The following CSNK1G1 variants were observed in gnomAD, a reference collection of about 807,000 sequenced individuals.
The protein encoded by CSNK1G1 is casein kinase 1 gamma 1.
Under a neutral mutation model 59.6 loss-of-function variants are expected in CSNK1G1, and 22 were observed. The observed-to-expected ratio is 0.37, with a 90% CI of 0.26 to 0.53. The LOEUF (loss-of-function observed/expected upper bound fraction) is 0.53. Ranked by LOEUF, CSNK1G1 falls within the 20% of genes least tolerant of loss-of-function variation. CSNK1G1 has a pLI of 0.89. For synonymous variants in CSNK1G1, 179 were observed against 177.1 expected (o/e 1.01, Z -0.08); for missense variants, 384 against 519.5 (o/e 0.74, Z 2.54).
intron 1 of CSNK1G1, among the ~76,000 whole-genome samples, chr15:64,351,604 C>A (rs978059987): frequency 6.6e-6 from 1 of 152,174 alleles, no homozygotes. Context: ...TCGGGCCAGG[C>A]ACGGTGGCTC....
intron 1 of CSNK1G1, among the ~76,000 whole-genome samples, chr15:64,346,162 T>C (rs1776727418): frequency 6.6e-6 from 1 of 151,766 alleles, no homozygotes; most frequent in African/African-American, 2.4e-5. Flanking sequence ...GAGGCAAAGG[T>C]GGGCAGATCA....
At chr15:64,278,973 G>A (rs1893969457) in intron 2 of CSNK1G1, among the ~76,000 whole-genome samples, 2 of 152,084 alleles carry the variant, frequency 1.3e-5, no homozygotes, top group Admixed American at 1.3e-4. Flanking sequence ...ATAATTTTCA[G>A]CTTTGTTTAG....
chr15:64,206,970 T>C (rs1272638998), intron 7 of CSNK1G1, among the ~76,000 whole-genome samples: 1 of 152,166 alleles, frequency 6.6e-6, no homozygotes, highest in African/African-American at 2.4e-5. Context: ...GTAGCAGCTG[T>C]TGTCAACAAT....
rs901172187 is a variant in CSNK1G1, at chr15:64,172,179, G to A, written c.1215-194C>T. On this transcript the variant is annotated intron_variant, in intron 11 of 11. Transcript: ENST00000303052. ...GAAAAGCCAAAGGAAATAGCTGCTT[G>A]ATTTCAATCTGCAGTCATCCTACCT... Among the ~76,000 whole-genome samples the A allele has an allele frequency of 7.2e-5, 11 of 152,320 alleles. No homozygotes were observed. The South Asian group carries it at 2.3e-3, about 32-fold the overall frequency.
At chr15:64,201,507 G>T (rs1196097826) in intron 10 of CSNK1G1, among the ~76,000 whole-genome samples, 1 of 152,160 alleles carries the variant, frequency 6.6e-6, no homozygotes, top group Non-Finnish European at 1.5e-5. Flanking sequence ...TTTAAAGGAT[G>T]TGACTATGGA....
Position 64,171,996 on chromosome 15 carries a change from A to G in CSNK1G1, c.1215-11T>C. 6.2e-7 allele frequency: 1 copy of G among 1,613,524 alleles called. No homozygotes were observed. Among genetic ancestry groups the G allele is most frequent in the Non-Finnish European group, 8.5e-7 (1 of 1,179,640 alleles). On this transcript the variant is annotated splice_polypyrimidine_tract_variant and intron_variant, in intron 11 of 11. Coordinates refer to ENST00000303052, the MANE Select transcript of CSNK1G1 (RefSeq NM_022048.5). The surrounding 1 kb of genome is among the most constrained non-coding windows in gnomAD (Gnocchi z 4.8). The stretch of plus-strand genomic sequence containing the variant: ...AAGAAACAGCAGCACCTGGAGCACA[A>G]GGAACATTGCAAGTCAGTGCGGGAG...
At chr15:64,314,097 A>G (rs1290908220) in intron 1 of CSNK1G1, among the ~76,000 whole-genome samples, 2 of 152,140 alleles carry the variant, frequency 1.3e-5, no homozygotes, top group East Asian at 3.9e-4. Context: ...GAAATCAAAG[A>G]GGAAAGTTTT....
At chr15:64,322,094 TAAG>T (rs1896595746) in intron 1 of CSNK1G1, among the ~76,000 whole-genome samples, 1 of 152,238 alleles carries the variant, frequency 6.6e-6, no homozygotes, top group African/African-American at 2.4e-5. Flanking sequence ...TCATGGAGCA[TAAG>T]TAGTAAATAT....
At chr15:64,303,716 C>G (rs1385369056) in intron 1 of CSNK1G1, among the ~76,000 whole-genome samples, 1 of 150,016 alleles carries the variant, frequency 6.7e-6, no homozygotes, top group Non-Finnish European at 1.5e-5. Flanking sequence ...TGCCATTGCA[C>G]TCCAGCCTGG....
intron 10 of CSNK1G1, among the ~76,000 whole-genome samples, chr15:64,183,793 T>C (rs2081852242): frequency 6.6e-6 from 1 of 151,532 alleles, no homozygotes; most frequent in Non-Finnish European, 1.5e-5. Context: ...TGCAGTGCAG[T>C]GGCGTGATCT....
Position 64,200,216 on chromosome 15 carries a change from G to T in CSNK1G1, c.1107+2866C>A, listed in dbSNP as rs1375990322. Among the ~76,000 whole-genome samples, 1 of 151,828 alleles carries T rather than the reference G, an allele frequency of 6.6e-6. No homozygotes were observed. Among genetic ancestry groups the T allele is most frequent in the East Asian group, 1.9e-4 (1 of 5,186 alleles). On this transcript the variant is annotated intron_variant, in intron 10 of 11. Coordinates refer to ENST00000303052, the MANE Select transcript of CSNK1G1 (RefSeq NM_022048.5). This position sits in a 1 kb window ranked among gnomAD's most constrained non-coding sequence, Gnocchi z 4.3. ...GCCAAGATCATGCTCCAGCCTTGGTGATAAGAGCTAAACTCTGTCTCAAAA... is the reference window on the plus strand; with the variant it reads ...GCCAAGATCATGCTCCAGCCTTGGTTATAAGAGCTAAACTCTGTCTCAAAA...
intron 4 of CSNK1G1, among the ~76,000 whole-genome samples, chr15:64,226,676 TA>T (rs1023546567): frequency 6.6e-6 from 1 of 151,936 alleles, no homozygotes; most frequent in Non-Finnish European, 1.5e-5. Context: ...AAAAATCCAG[TA>T]TTTGACATTT....
At chr15:64,351,130 AG>A (rs1382446423) in intron 1 of CSNK1G1, among the ~76,000 whole-genome samples, 9 of 152,208 alleles carry the variant, frequency 5.9e-5, no homozygotes, top group African/African-American at 2.2e-4. Flanking sequence ...TATCCTTATT[AG>A]AGACTAAATC....
chr15:64,287,852 G>GA (rs1237971980), intron 2 of CSNK1G1, among the ~76,000 whole-genome samples: 1 of 152,008 alleles, frequency 6.6e-6, no homozygotes, highest in East Asian at 1.9e-4. Context: ...TAACATGGCA[G>GA]AAAAAAATTG....
At chr15:64,238,669 C>T (rs1421347742) in intron 4 of CSNK1G1, among the ~76,000 whole-genome samples, 1 of 151,268 alleles carries the variant, frequency 6.6e-6, no homozygotes. Context: ...TTAGACTGAG[C>T]CCTACTGACT....
chr15:64,308,846 A>T (rs1232145347), intron 1 of CSNK1G1, among the ~76,000 whole-genome samples: 1 of 151,720 alleles, frequency 6.6e-6, no homozygotes, highest in African/African-American at 2.4e-5. Context: ...GCAGTGAGCC[A>T]AGATCACGCC....
rs192239501 is a variant in CSNK1G1 at position 64,173,851 on chromosome 15, T to C, written c.1215-1866A>G. Among the ~76,000 whole-genome samples the C allele has an allele frequency of 7.7e-3, 1,170 of 152,218 alleles. 7 individuals carry two copies. Among genetic ancestry groups the C allele is most frequent in the Middle Eastern group, 0.01 (3 of 294 alleles). On this transcript the variant is annotated intron_variant, in intron 11 of 11. Coordinates refer to ENST00000303052, the MANE Select transcript of CSNK1G1 (RefSeq NM_022048.5). ...CTGGTCTGGAACTCCTGACCTCAAA[T>C]GATCCACCTGCCTCGGCCTCCCAAA...
chr15:64,249,865 T>C (rs550978247), intron 4 of CSNK1G1, among the ~76,000 whole-genome samples: 13 of 152,172 alleles, frequency 8.5e-5, no homozygotes, highest in Non-Finnish European at 1.5e-4. Flanking sequence ...TGGCTCTATA[T>C]TGAAAAGGGA....
rs2081655455 is a variant in CSNK1G1, at chr15:64,170,815, T to C, written c.*1116A>G. ...TCCTTCTCTGGGATGAGCTGTTTCCTGGTCACAGTCTGGCTCGGCTGGCTC... is the reference window on the plus strand; with the variant it reads ...TCCTTCTCTGGGATGAGCTGTTTCCCGGTCACAGTCTGGCTCGGCTGGCTC... On this transcript the variant is annotated 3_prime_UTR_variant, in exon 12 of 12. Transcript: ENST00000303052. The C allele has an allele frequency of 1.3e-5, 2 of 152,640 alleles. No individual in the cohort carries two copies. The allele number at this position is 152,640 out of a possible 1,614,324, so 9.5% of individuals were successfully genotyped here.
Sources: gnomAD v4.1 joint callset for allele counts (sites outside exome capture counted in the v4.1 genomes callset) on GRCh38, gnomAD v4.1.1 for gene constraint, Gnocchi (gnomAD v3.1) non-coding constraint, MANE v1.5 for transcripts, NCBI Gene and HGNC (gene_info 2026-07-23, HGNC 2026-07-21) for gene names.